Variants in TKTL1 observed in about 807,000 individuals in gnomAD.
TKTL1 encodes transketolase-like protein 1.
A neutral mutation model predicts 39.3 loss-of-function variants in TKTL1; 1 was observed. The observed-to-expected ratio is 0.03, with a 90% confidence interval of 0.01 to 0.12. The LOEUF is 0.12. Among genes scored for constraint, TKTL1 ranks in the 10% least tolerant of loss-of-function variants. The pLI is 1.00. For missense variants in TKTL1, 575 were observed against 509.6 expected, an observed-to-expected ratio of 1.13 and a Z score of -1.24; for synonymous variants, 262 against 193.8, an observed-to-expected ratio of 1.35 and a Z score of -2.92.
rs1176705361 is a variant in TKTL1 at position 154,295,835 on chromosome X, T to G, written c.-25T>G. 6 of 1,205,357 alleles carry G rather than the reference T, an allele frequency of 5.0e-6. No individual in the cohort carries two copies. In the Admixed American group the frequency reaches 6.6e-5, roughly 13 times the overall value. ...GACGCCGGAGACGTAGGAGTGGGTC[T>G]TCAGACTCCAAAGGGGTTGGACTAA... On this transcript the variant is annotated 5_prime_UTR_variant, in exon 1 of 13. Transcript: ENST00000369915.
chrX:154,298,985 A>T (rs1355028803), intron 1 of TKTL1, among the ~76,000 whole-genome samples: 1 of 109,879 alleles, frequency 9.1e-6, no homozygotes. Context: ...CTGGGATTAC[A>T]AGTGTGAGCC....
intron 2 of TKTL1, among the ~76,000 whole-genome samples, chrX:154,306,332 A>T (rs1395695631): frequency 1.8e-5 from 2 of 111,575 alleles, no homozygotes; most frequent in African/African-American, 6.5e-5. Flanking sequence ...GGCTGGGTAG[A>T]GTACTGTGTC....
rs34229834 is a variant in TKTL1 at position 154,322,229 on chromosome X, CAAAAA to C, written c.1187-960_1187-956del. On this transcript the variant is annotated intron_variant, in intron 8 of 12. Transcript: ENST00000369915. ...GCCTGGCGACAGAGAGAGGCTTTGTCAAAAAAAAAAAAAAAAAAAAAAGCCAGAGC... is the reference window on the plus strand; with the variant it reads ...GCCTGGCGACAGAGAGAGGCTTTGTCAAAAAAAAAAAAAAAAAGCCAGAGC... Among the ~76,000 whole-genome samples, 38 of 41,845 alleles carry C rather than the reference CAAAAA, an allele frequency of 9.1e-4. No homozygotes were observed. In the South Asian group the frequency reaches 0.017, roughly 19 times the overall value. 36.3% of individuals were successfully genotyped at this position (41,845 alleles called of 115,157 possible). A position where few individuals can be genotyped will look rare whatever the true frequency, so the allele number is the denominator to read the frequency against.
intron 6 of TKTL1, among the ~76,000 whole-genome samples, chrX:154,314,284 AAAG>A (rs1435390652): frequency 8.9e-6 from 1 of 112,067 alleles, no homozygotes; most frequent in Non-Finnish European, 1.9e-5. Flanking sequence ...AAGCTAGCCT[AAAG>A]AAAACTGCAG....
Position 154,301,877 on chromosome X carries a change from G to A in TKTL1, c.135-3427G>A, listed in dbSNP as rs1433116986. On this transcript the variant is annotated intron_variant, in intron 1 of 12. Coordinates refer to ENST00000369915, the MANE Select transcript of TKTL1 (RefSeq NM_012253.4). ...CAAGATGCTGGGATTACAGGCATGAGCCACTGTGCCCGGCCTAAGTCCCCA... is the reference window on the plus strand; with the variant it reads ...CAAGATGCTGGGATTACAGGCATGAACCACTGTGCCCGGCCTAAGTCCCCA... 2.8e-5 allele frequency among the ~76,000 whole-genome samples: 3 copies of A among 107,843 alleles called. No homozygotes were observed. In the East Asian group the frequency reaches 8.7e-4, roughly 31 times the overall value. 93.6% of individuals were successfully genotyped at this position (107,843 alleles called of 115,157 possible).
intron 7 of TKTL1, among the ~76,000 whole-genome samples, chrX:154,317,021 C>G (rs1201644927): frequency 9.0e-6 from 1 of 111,212 alleles, no homozygotes; most frequent in Non-Finnish European, 1.9e-5. Context: ...CTGCCTGCCT[C>G]AGCCTCCCAA....
At chrX:154,310,221 C>G (rs781873477) in intron 3 of TKTL1, among the ~76,000 whole-genome samples, 15 of 110,786 alleles carry the variant, frequency 1.4e-4, no homozygotes, top group African/African-American at 4.6e-4. Flanking sequence ...CTTTGGGAGG[C>G]CGAGGTGGGC....
chrX:154,312,831 ATGT>A lies in TKTL1; in HGVS notation c.864+63_864+65del, dbSNP rs782034224. On this transcript the variant is annotated intron_variant, in intron 6 of 12. Coordinates refer to ENST00000369915, the MANE Select transcript of TKTL1 (RefSeq NM_012253.4). ...GATACGTCAACTGCTTTGTTCTCTA[ATGT>A]TGTTCGTATGTACACAGGATTCTTC... is the stretch of plus-strand genomic sequence containing the variant. The A allele has an allele frequency of 2.8e-4, 296 of 1,063,992 alleles. No homozygotes were observed. In the African/African-American group the frequency reaches 4.7e-3, roughly 17 times the overall value. 87.7% of individuals were successfully genotyped at this position (1,063,992 alleles called of 1,213,427 possible). A position where few individuals can be genotyped will look rare whatever the true frequency, so the allele number is the denominator to read the frequency against.
Position 154,313,888 on chromosome X carries a change from T to C in TKTL1, c.864+1115T>C, listed in dbSNP as rs1315444113. 5.6e-5 allele frequency among the ~76,000 whole-genome samples: 6 copies of C among 106,950 alleles called. No homozygotes were observed. The Admixed American group carries it at 6.1e-4, about 11-fold the overall frequency. The allele number at this position is 106,950 out of a possible 115,157, so 92.9% of individuals were successfully genotyped here. On this transcript the variant is annotated intron_variant, in intron 6 of 12. Transcript: ENST00000369915. ...GTTTGAGGGGATAGTGAGCTATGAT[T>C]GGGCCACTGCACTCCAGCCTGGGCA...
chrX:154,325,798 A>T (rs958521181), intron 10 of TKTL1, among the ~76,000 whole-genome samples: 1 of 111,875 alleles, frequency 8.9e-6, no homozygotes, highest in Non-Finnish European at 1.9e-5. Flanking sequence ...AGCCTGGGAA[A>T]CATAGCGAGA....
Position 154,315,325 on chromosome X carries a change from T to C in TKTL1, c.1017T>C (p.Ala339=), listed in dbSNP as rs782408730. The C allele has an allele frequency of 8.3e-7, 1 of 1,208,911 alleles. No individual in the cohort carries two copies. ...AGCGCTTCATCGAGTGCTTTATGGCTGAACAAAACATGGTGAGTGTGTAGT... is the reference window on the plus strand; with the variant it reads ...AGCGCTTCATCGAGTGCTTTATGGCCGAACAAAACATGGTGAGTGTGTAGT... ...YPERFIECFM[A]EQNMVSVALG... is the part of the protein sequence containing the mutation. The change falls in exon 7 of 13, where the codon GCT becomes GCC. Residue 339 remains alanine (A), a synonymous_variant. Transcript: ENST00000369915.
At chrX:154,328,300 T>C (rs1009250929) in intron 12 of TKTL1, among the ~76,000 whole-genome samples, 1 of 109,373 alleles carries the variant, frequency 9.1e-6, no homozygotes, top group Non-Finnish European at 1.9e-5. Context: ...TCCCAGCACT[T>C]TGGGAGGCCG....
Position 154,299,852 on chromosome X carries a change from G to C in TKTL1, c.134+3859G>C, listed in dbSNP as rs2067259413. Among the ~76,000 whole-genome samples the C allele has an allele frequency of 2.7e-5, 3 of 111,578 alleles. No individual in the cohort carries two copies. In the South Asian group the frequency reaches 1.1e-3, roughly 41 times the overall value. On this transcript the variant is annotated intron_variant, in intron 1 of 12. Transcript: ENST00000369915. ...CCACTCATTGGTTGATGGACACTTA[G>C]GTTGGTTCCTTATCTTTGCAATTGT... is the stretch of plus-strand genomic sequence containing the variant.
At chrX:154,324,298 C>T (rs1307718421) in intron 9 of TKTL1, among the ~76,000 whole-genome samples, 4 of 111,121 alleles carry the variant, frequency 3.6e-5, no homozygotes, top group Non-Finnish European at 5.7e-5. Flanking sequence ...CCACCACGGC[C>T]GGCTAATTTT....
At chrX:154,303,835 C>T (rs1444564944) in intron 1 of TKTL1, among the ~76,000 whole-genome samples, 3 of 109,098 alleles carry the variant, frequency 2.7e-5, no homozygotes, top group Admixed American at 9.8e-5. Context: ...CACCCTACCC[C>T]CCGCCCCCCA....
chrX:154,305,823 T>C (rs1233231078), intron 2 of TKTL1, among the ~76,000 whole-genome samples: 2 of 111,095 alleles, frequency 1.8e-5, no homozygotes, highest in Non-Finnish European at 3.8e-5. Context: ...GTTAGCTTCC[T>C]CTTCTATGTT....
Position 154,329,865 on chromosome X carries a change from C to T in TKTL1, c.*177C>T. 2 of 466,785 alleles carry T rather than the reference C, an allele frequency of 4.3e-6. No homozygotes were observed. The highest frequency in any genetic ancestry group is 6.9e-6 in the Non-Finnish European group (2 of 288,170). The allele number at this position is 466,785 out of a possible 1,213,427, so 38.5% of individuals were successfully genotyped here. A position where few individuals can be genotyped will look rare whatever the true frequency, so the allele number is the denominator to read the frequency against. On this transcript the variant is annotated 3_prime_UTR_variant, in exon 13 of 13. Transcript: ENST00000369915. ...CTACTTACCCTTTAAACTGTCACTGCATATGCAAGTACCGCTCTAATTTTT... is the reference window on the plus strand; with the variant it reads ...CTACTTACCCTTTAAACTGTCACTGTATATGCAAGTACCGCTCTAATTTTT...
intron 10 of TKTL1, among the ~76,000 whole-genome samples, chrX:154,326,315 A>G (rs766419): frequency 0.3 from 33,766 of 111,199 alleles, 4,647 homozygotes; most frequent in South Asian, 0.53. Flanking sequence ...AGAAACGTCT[A>G]TGGAGAAAAT....
rs1387308417 is a variant in TKTL1 at position 154,320,818 on chromosome X, C to G, written c.1091C>G (p.Ala364Gly). The change falls in exon 8 of 13, where the codon GCT becomes GGT. Residue 364 changes from alanine (A) to glycine (G), a missense_variant. By Grantham distance (60) the Ala-to-Gly change is moderately conservative. Transcript: ENST00000369915. Reference sequence around the variant, plus strand: ...ACCATTGCTTTTGCTAGCACCTTTGCTGCCTTTCTGACTCGAGCATTTGAT... The same window carrying G: ...ACCATTGCTTTTGCTAGCACCTTTGGTGCCTTTCTGACTCGAGCATTTGAT... ...GRTIAFASTF[A>G]AFLTRAFDHI... 2 of 1,209,362 alleles carry G rather than the reference C, an allele frequency of 1.7e-6. No individual in the cohort carries two copies. Among genetic ancestry groups the G allele is most frequent in the Non-Finnish European group, 2.2e-6 (2 of 894,619 alleles).
Sources: gnomAD v4.1 joint callset for allele counts (sites outside exome capture counted in the v4.1 genomes callset) on GRCh38, gnomAD v4.1.1 for gene constraint, MANE v1.5 for transcripts, NCBI Gene and HGNC (gene_info 2026-07-23, HGNC 2026-07-21) for gene names.